UGT1A3: variants seen among roughly 807,000 people sequenced by gnomAD.
The protein encoded by UGT1A3 is UDP glucuronosyltransferase family 1 member A3, also known as UDP-glucuronosyltransferase 1A3.
A neutral mutation model predicts 41.0 loss-of-function variants in UGT1A3; 31 were observed. The ratio of observed to expected loss-of-function variants is 0.76; its 90% CI spans 0.57 to 1.02. The LOEUF (loss-of-function observed/expected upper bound fraction) is 1.02. UGT1A3 is among the 50% of genes least tolerant of loss of function. The pLI is 0.00. For synonymous variants in UGT1A3, 262 were observed against 257.6 expected, an observed-to-expected ratio of 1.02 and a Z score of -0.17; for missense variants, 737 against 671.0, an observed-to-expected ratio of 1.10 and a Z score of -1.09.
At chr2:233,755,452 C>A in intron 1 of UGT1A3, 1 of 306,372 alleles carries the variant, frequency 3.3e-6, no homozygotes, top group South Asian at 3.0e-5. Flanking sequence ...GCTCCTGGGA[C>A]TGGCCCTGCT....
At chr2:233,756,622 C>T (rs1385853377) in intron 1 of UGT1A3, among the ~76,000 whole-genome samples, 1 of 152,014 alleles carries the variant, frequency 6.6e-6, no homozygotes, top group African/African-American at 2.4e-5. Flanking sequence ...ACTTGCAGGC[C>T]GTGTGTATAG....
At chr2:233,760,461 T>A in intron 1 of UGT1A3, 1 of 1,614,224 alleles carries the variant, frequency 6.2e-7, no homozygotes, top group Non-Finnish European at 8.5e-7. Context: ...ATGAAATAGT[T>A]GTCCTAGCAC....
At chr2:233,754,376 G>C (rs1425062905) in intron 1 of UGT1A3, 2 of 288,414 alleles carry the variant, frequency 6.9e-6, no homozygotes, top group African/African-American at 2.2e-5. Context: ...ATGATCGAAA[G>C]ACAAACAGAG....
At chr2:233,767,994 T>G (rs1699541043) in intron 3 of UGT1A3, 58 bp downstream of exon 3, 2 of 1,614,136 alleles carry the variant, frequency 1.2e-6, no homozygotes, top group Non-Finnish European at 1.7e-6. Context: ...GAAAATGGCT[T>G]AAGCACAGCT....
chr2:233,756,190 G>A (rs1012891343), intron 1 of UGT1A3: 15 of 152,208 alleles, frequency 9.9e-5, no homozygotes, highest in African/African-American at 3.4e-4. Flanking sequence ...CGCTAGTCTA[G>A]CAGAGTAGTC....
At chr2:233,743,832 T>C in intron 1 of UGT1A3, 4 of 1,367,252 alleles carry the variant, frequency 2.9e-6, no homozygotes, top group South Asian at 2.3e-5. Context: ...GGGTGCCACT[T>C]GAGCGCCAGC....
In UGT1A3 at chr2:233,772,635, A is replaced by G. The variant is rs1700539983; in HGVS notation, c.*76A>G. On this transcript the variant is annotated 3_prime_UTR_variant, in exon 5 of 5. Transcript: ENST00000482026. ...CAAACTTGAAAACAGAATCAGTGTT[A>G]AATTCATTTTATTCTTATTAAGGAA... 19 of 1,555,814 alleles carry G rather than the reference A, an allele frequency of 1.2e-5. No individual in the cohort carries two copies. Among genetic ancestry groups the G allele is most frequent in the Non-Finnish European group, 1.6e-5 (18 of 1,149,838 alleles).
At chr2:233,758,825 CA>C (rs1386415381) in intron 1 of UGT1A3, among the ~76,000 whole-genome samples, 2 of 152,114 alleles carry the variant, frequency 1.3e-5, no homozygotes, top group Non-Finnish European at 2.9e-5. Flanking sequence ...ATATCCCCCC[CA>C]AAAAGAGTGT....
intron 1 of UGT1A3, among the ~76,000 whole-genome samples, chr2:233,758,201 G>A (rs1696819770): frequency 6.6e-6 from 1 of 152,182 alleles, no homozygotes; most frequent in African/African-American, 2.4e-5. Flanking sequence ...GCTTAGTAGT[G>A]GTTCTCTGTT....
chr2:233,768,179 A>G, intron 3 of UGT1A3, 41 bp from the exon 4 acceptor site: 1 of 1,613,948 alleles, frequency 6.2e-7, no homozygotes, highest in East Asian at 2.2e-5. Context: ...TGTGAAACTC[A>G]GAGATGTAAC....
chr2:233,746,490 T>C (rs1347659366), intron 1 of UGT1A3, among the ~76,000 whole-genome samples: 2 of 151,808 alleles, frequency 1.3e-5, no homozygotes, highest in Admixed American at 1.3e-4. Flanking sequence ...CATGGACATG[T>C]CACTCTTTAG....
intron 1 of UGT1A3, among the ~76,000 whole-genome samples, chr2:233,761,782 A>G (rs1423318285): frequency 1.3e-5 from 2 of 152,218 alleles, no homozygotes; most frequent in African/African-American, 4.8e-5. Context: ...ATCCTCATCG[A>G]AATCTCAGCA....
chr2:233,768,794 G>C (rs1447773393), intron 4 of UGT1A3, among the ~76,000 whole-genome samples: 4 of 151,952 alleles, frequency 2.6e-5, no homozygotes, highest in African/African-American at 7.2e-5. Flanking sequence ...ATGTTTGTCA[G>C]GCTGGTCTTG....
chr2:233,747,780 C>A, intron 1 of UGT1A3: 1 of 1,613,502 alleles, frequency 6.2e-7, no homozygotes, highest in South Asian at 1.1e-5. Flanking sequence ...GTGTCCAAAT[C>A]CTTCCTCCTA....
chr2:233,760,360 T>A (rs751894919), intron 1 of UGT1A3: 1 of 1,614,114 alleles, frequency 6.2e-7, no homozygotes, highest in East Asian at 2.2e-5. Flanking sequence ...CCCAGTGGTG[T>A]CCCATGCTGG....
At chr2:233,771,544 A>C (rs1300566643) in intron 4 of UGT1A3, 1 of 152,264 alleles carries the variant, frequency 6.6e-6, no homozygotes, top group Non-Finnish European at 1.5e-5. Flanking sequence ...GGCACTTACA[A>C]ATGGCTGTTA....
At position 233,734,617 on chromosome 2, in the gene UGT1A3, T is replaced by G. The variant is rs143652933; in HGVS notation, c.867+4624T>G. On this transcript the variant is annotated intron_variant, in intron 1 of 4. Coordinates refer to ENST00000482026, the MANE Select transcript of UGT1A3 (RefSeq NM_019093.4). ...TTATTTGTGATGTTAGTGTGTTGATTTTAGATCTTTCCTGCTTTCTCCTGT... is the reference window on the plus strand; with the variant it reads ...TTATTTGTGATGTTAGTGTGTTGATGTTAGATCTTTCCTGCTTTCTCCTGT... 1.1e-4 allele frequency among the ~76,000 whole-genome samples: 16 copies of G among 152,330 alleles called. No individual in the cohort carries two copies. The East Asian group carries it at 1.3e-3, about 13-fold the overall frequency.
At chr2:233,766,928 C>A in intron 1 of UGT1A3, 106 bp from the exon 2 acceptor site, 12 of 1,578,030 alleles carry the variant, frequency 7.6e-6, no homozygotes, top group Non-Finnish European at 9.4e-6. Context: ...ACACGCATGC[C>A]TTTAATCATA....
At chr2:233,748,872 G>A (rs1337715059) in intron 1 of UGT1A3, among the ~76,000 whole-genome samples, 3 of 151,552 alleles carry the variant, frequency 2.0e-5, no homozygotes, top group Non-Finnish European at 4.4e-5. Context: ...GCTGGGGACG[G>A]TGATGAATGG....
Sources: gnomAD v4.1 joint callset for allele counts (sites outside exome capture counted in the v4.1 genomes callset) on GRCh38, gnomAD v4.1.1 for gene constraint, MANE v1.5 for transcripts, NCBI Gene and HGNC (gene_info 2026-07-23, HGNC 2026-07-21) for gene names.